The following BPI variants were observed in gnomAD, a reference collection of about 807,000 sequenced individuals.
BPI encodes bactericidal permeability increasing protein.
In BPI, 48 loss-of-function variants were observed where a neutral mutation model predicts 57.6. That is an observed-to-expected ratio of 0.83 (90% CI 0.66 to 1.06). The LOEUF (loss-of-function observed/expected upper bound fraction) is 1.06. Ranked by LOEUF, BPI falls within the 50% of genes least tolerant of loss-of-function variation. The probability of loss-of-function intolerance (pLI) is 0.00; values close to 1 mark genes in which losing one functional copy is unlikely to be tolerated. For missense variants in BPI, 651 were observed against 609.7 expected (o/e 1.07, Z -0.71); for synonymous variants, 237 against 238.2 (o/e 0.99, Z 0.05).
intron 1 of BPI, among the ~76,000 whole-genome samples, chr20:38,306,981 G>A (rs544153091): frequency 3.3e-5 from 5 of 152,160 alleles, no homozygotes; most frequent in Admixed American, 3.3e-4. Flanking sequence ...CCAGGAGTTC[G>A]AAACCAGCTG....
At chr20:38,323,800 TCCTGGATGGA>T in intron 7 of BPI, 60 bp from the exon 8 acceptor site, 1 of 1,529,566 alleles carries the variant, frequency 6.5e-7, no homozygotes, top group Admixed American at 1.9e-5. Context: ...GTCCATTTTT[TCCTGGATGGA>T]GATGTTGACT....
intron 9 of BPI, 37 bp downstream of exon 9, chr20:38,324,870 G>A (rs755087904): frequency 1.0e-5 from 16 of 1,549,100 alleles, no homozygotes; most frequent in Non-Finnish European, 1.3e-5. Flanking sequence ...TGAGCCCCGG[G>A]GGTTCTGGGA....
At position 38,315,306 on chromosome 20, in the gene BPI, A is replaced by G. The variant is rs566448763; in HGVS notation, c.601-3107A>G. Among the ~76,000 whole-genome samples, 54 of 152,306 alleles carry G rather than the reference A, an allele frequency of 3.5e-4. No homozygotes were observed. The South Asian group carries it at 9.7e-3, about 27-fold the overall frequency. On this transcript the variant is annotated intron_variant, in intron 5 of 14. Coordinates refer to ENST00000642449, the MANE Select transcript of BPI (RefSeq NM_001725.3). The stretch of plus-strand genomic sequence containing the variant: ...TAGAAGCAAGTACTGGCCTGAATGA[A>G]TGAATGAAGGAATGAAATGTCATGA...
In BPI at chr20:38,329,726, T is replaced by A. The variant is rs538677300; in HGVS notation, c.1230-1322T>A. On this transcript the variant is annotated intron_variant, in intron 11 of 14. Transcript: ENST00000642449. ...AAACCCTGCTTTATTTTATTTATTT[T>A]TTTTTAGACAGAGTTTTGCTCTGTC... is the stretch of plus-strand genomic sequence containing the variant. 8.5e-5 allele frequency among the ~76,000 whole-genome samples: 13 copies of A among 152,172 alleles called. No homozygotes were observed. The South Asian group carries it at 2.1e-3, about 24-fold the overall frequency.
At chr20:38,317,783 G>A (rs1568812996) in intron 5 of BPI, 1 of 1,415,528 alleles carries the variant, frequency 7.1e-7, no homozygotes, top group Admixed American at 2.0e-5. Flanking sequence ...TAGAGGTCTA[G>A]ATAAATGGAA....
chr20:38,331,229 G>A, intron 12 of BPI, 139 bp downstream of exon 12: 3 of 1,070,634 alleles, frequency 2.8e-6, no homozygotes, highest in South Asian at 1.5e-5. Flanking sequence ...ATAGTTCAAG[G>A]AGCTTCGTGG....
intron 10 of BPI, among the ~76,000 whole-genome samples, chr20:38,327,292 T>C (rs574709074): frequency 4.6e-5 from 7 of 152,330 alleles, no homozygotes; most frequent in African/African-American, 1.7e-4. Context: ...TTTGAATGAA[T>C]TAATGAATGA....
chr20:38,310,685 G>A lies in BPI; in HGVS notation c.536+33G>A, dbSNP rs773771842. 4 of 1,592,322 alleles carry A rather than the reference G, an allele frequency of 2.5e-6. No homozygotes were observed. The South Asian group carries it at 4.5e-5, about 18-fold the overall frequency. On this transcript the variant is annotated intron_variant, in intron 4 of 14. Transcript: ENST00000642449. ...CTCCCGGGACTGTGGCTGGGAGGAG[G>A]GACTTAAAGAAGAACTCTCCCAATC...
chr20:38,324,654 A>G, intron 8 of BPI, 120 bp from the exon 9 acceptor site: 1 of 806,134 alleles, frequency 1.2e-6, no homozygotes, highest in Non-Finnish European at 2.1e-6. Flanking sequence ...CTCTGTTGTC[A>G]CATAGGGGCT....
In BPI at chr20:38,307,574, G is replaced by A; in HGVS notation, c.138G>A (p.Gln46=). Residue 46 remains glutamine, a synonymous_variant, in exon 2 of 15, where the codon CAG becomes CAA. Transcript: ENST00000642449. ...ISQKGLDYAS[Q]QGTAALQKEL... The stretch of plus-strand genomic sequence containing the variant: ...CCTGCCTTCTCCCTTCAGCCAGCCA[G>A]CAGGGGACGGCCGCTCTGCAGAAGG... The A allele has an allele frequency of 6.2e-7, 1 of 1,601,286 alleles. No individual in the cohort carries two copies.
Position 38,337,250 on chromosome 20 carries a change from C to T in BPI, c.*66C>T, listed in dbSNP as rs376491408. 1.1e-5 allele frequency: 15 copies of T among 1,417,158 alleles called. No homozygotes were observed. In the African/African-American group the frequency reaches 2.1e-4, roughly 20 times the overall value. 87.8% of individuals were successfully genotyped at this position (1,417,158 alleles called of 1,614,324 possible). On this transcript the variant is annotated 3_prime_UTR_variant, in exon 15 of 15. Coordinates refer to ENST00000642449, the MANE Select transcript of BPI (RefSeq NM_001725.3). ...CTGATGGGCTGTGGGGCACCGGCTG[C>T]CTTTCCCCAGGGAATCCTCTCCAGA...
At chr20:38,307,147 C>T (rs75731750) in intron 1 of BPI, among the ~76,000 whole-genome samples, 8,354 of 152,022 alleles carry the variant, frequency 0.055, 277 homozygotes, top group Middle Eastern at 0.15. Flanking sequence ...TGCAGTGAGC[C>T]GTGATCATGC....
intron 4 of BPI, 35 bp from the exon 5 acceptor site, chr20:38,311,839 A>G (rs186163136): frequency 6.2e-7 from 1 of 1,604,982 alleles, no homozygotes; most frequent in Admixed American, 1.7e-5. Flanking sequence ...GACAATCAAA[A>G]AGCCTCATCT....
At chr20:38,330,611 C>T (rs1342900422) in intron 11 of BPI, among the ~76,000 whole-genome samples, 1 of 152,244 alleles carries the variant, frequency 6.6e-6, no homozygotes, top group Non-Finnish European at 1.5e-5. Context: ...CTTTGCTATC[C>T]TCTGTGCTGG....
In BPI at chr20:38,310,609, C is replaced by G. The variant is rs763419053; in HGVS notation, c.493C>G (p.His165Asp). 2 of 1,614,146 alleles carry G rather than the reference C, an allele frequency of 1.2e-6. No individual in the cohort carries two copies. Among genetic ancestry groups the G allele is most frequent in the Non-Finnish European group, 1.7e-6 (2 of 1,180,000 alleles). Residue 165 changes from histidine (H) to aspartate (D), a missense_variant, in exon 4 of 15, where the codon CAC becomes GAC. By Grantham distance (81) the His-to-Asp change is moderately conservative. Transcript: ENST00000642449. ...PTITCSSCSS[H>D]INSVHVHISK... ...CATCACCTGCTCCAGCTGCAGCAGCCACATCAACAGTGTCCACGTGCACAT... is the reference window on the plus strand; with the variant it reads ...CATCACCTGCTCCAGCTGCAGCAGCGACATCAACAGTGTCCACGTGCACAT...
In BPI at chr20:38,334,622, A is replaced by G; in HGVS notation, c.1336+129A>G. The G allele has an allele frequency of 6.7e-6, 6 of 890,132 alleles. No homozygotes were observed. In the South Asian group the frequency reaches 8.6e-5, roughly 13 times the overall value. 55.1% of individuals were successfully genotyped at this position (890,132 alleles called of 1,614,324 possible). A position where few individuals can be genotyped will look rare whatever the true frequency, so the allele number is the denominator to read the frequency against. ...CAGTGGTGATGTCAAGTGAACTTCA[A>G]ATGGCATCTGACCCAGAAATGAATG... On this transcript the variant is annotated intron_variant, in intron 13 of 14. Coordinates refer to ENST00000642449, the MANE Select transcript of BPI (RefSeq NM_001725.3).
At chr20:38,322,528 A>G (rs772743938) in intron 7 of BPI, among the ~76,000 whole-genome samples, 4 of 152,232 alleles carry the variant, frequency 2.6e-5, no homozygotes, top group Non-Finnish European at 5.9e-5. Context: ...GCTCTACATG[A>G]ATGGATACAC....
chr20:38,310,715 C>T (rs1319980750), intron 4 of BPI, 63 bp downstream of exon 4: 25 of 1,563,792 alleles, frequency 1.6e-5, no homozygotes, highest in Non-Finnish European at 2.1e-5. Flanking sequence ...CCAATCATCC[C>T]TGTATTCCGA....
At position 38,307,479 on chromosome 20, in the gene BPI, A is replaced by T. The variant is rs867948904; in HGVS notation, c.131-88A>T. The T allele has an allele frequency of 5.5e-5, 51 of 923,094 alleles. No individual in the cohort carries two copies. In the Middle Eastern group the frequency reaches 4.0e-3, roughly 72 times the overall value. The allele number at this position is 923,094 out of a possible 1,614,324, so 57.2% of individuals were successfully genotyped here. On this transcript the variant is annotated intron_variant, in intron 1 of 14. Coordinates refer to ENST00000642449, the MANE Select transcript of BPI (RefSeq NM_001725.3). ...CAGTGCCACTGTCCATGCTACGAAC[A>T]GGGGCCCAGGGTCCAGAGCCTGCCC...
Sources: gnomAD v4.1 joint callset for allele counts (sites outside exome capture counted in the v4.1 genomes callset) on GRCh38, gnomAD v4.1.1 for gene constraint, MANE v1.5 for transcripts, NCBI Gene and HGNC (gene_info 2026-07-23, HGNC 2026-07-21) for gene names.